The following NLRP2 variants were observed in gnomAD, a reference collection of about 807,000 sequenced individuals.
The protein encoded by NLRP2 is NACHT, LRR and PYD domains-containing protein 2.
In NLRP2, 107 loss-of-function variants were observed where a neutral mutation model predicts 97.2. The ratio of observed to expected loss-of-function variants is 1.10; its 90% CI spans 0.94 to 1.29. NLRP2 has a LOEUF of 1.29. Among genes scored for constraint, NLRP2 ranks in the 50% most tolerant of loss-of-function variants. The pLI, the probability that NLRP2 is intolerant of heterozygous loss-of-function variation, is 0.00. For missense variants in NLRP2, 1,495 were observed against 1,330.3 expected (o/e 1.12, Z -1.93); for synonymous variants, 663 against 551.5 (o/e 1.20, Z -2.83).
rs561540082 is a variant in NLRP2 at position 54,991,218 on chromosome 19, C to T, written c.2708+546C>T. ...GACTCCCAATGGAAGCTATTGGAAG[C>T]TACATGCTCAATGTGATCCTCCTTT... is the stretch of plus-strand genomic sequence containing the variant. On this transcript the variant is annotated intron_variant, in intron 10 of 12. Transcript: ENST00000448584. 4.1e-4 allele frequency: 68 copies of T among 167,822 alleles called. 1 individual carries two copies. Among genetic ancestry groups the T allele is most frequent in the African/African-American group, 1.6e-3 (66 of 41,714 alleles). 10.4% of individuals were successfully genotyped at this position (167,822 alleles called of 1,614,324 possible).
chr19:54,999,153 C>A (rs959438783), intron 12 of NLRP2, among the ~76,000 whole-genome samples: 7 of 152,032 alleles, frequency 4.6e-5, no homozygotes, highest in Non-Finnish European at 1.0e-4. Context: ...CTGACCCCCC[C>A]ACCTCCCCGC....
chr19:54,999,875 T>G lies in NLRP2; in HGVS notation c.3051-885T>G, dbSNP rs112301104. Among the ~76,000 whole-genome samples the G allele has an allele frequency of 8.6e-3, 1,313 of 152,026 alleles. 14 individuals carry two copies. Among genetic ancestry groups the G allele is most frequent in the African/African-American group, 0.03 (1,262 of 41,434 alleles). ...TGTCAGCTTCCTGAGTAGCTGGGAT[T>G]ATAGGGATGCACCATCACACCCAAC... On this transcript the variant is annotated intron_variant, in intron 12 of 12. Coordinates refer to ENST00000448584, the MANE Select transcript of NLRP2 (RefSeq NM_017852.5).
Position 54,977,778 on chromosome 19 carries a change from C to G in NLRP2, c.352C>G (p.Leu118Val), listed in dbSNP as rs761533100. Reference protein sequence around the residue: ...LGITRKERPPLDVDEMLERFK... With the variant: ...LGITRKERPPVDVDEMLERFK... ...GATAACACGGAAAGAACGACCACCT[C>G]TAGACGTGGACGAAATGCTGGAGCG... The change falls in exon 4 of 13, where the codon CTA (leucine) becomes GTA (valine). Residue 118 changes from leucine to valine, a missense_variant. Coordinates refer to ENST00000448584, the MANE Select transcript of NLRP2 (RefSeq NM_017852.5). 6.2e-7 allele frequency: 1 copy of G among 1,613,914 alleles called. No homozygotes were observed. Among genetic ancestry groups the G allele is most frequent in the South Asian group, 1.1e-5 (1 of 91,084 alleles).
intron 12 of NLRP2, among the ~76,000 whole-genome samples, chr19:54,998,756 T>C (rs922836677): frequency 4.0e-5 from 6 of 148,866 alleles, no homozygotes; most frequent in South Asian, 4.3e-4. Flanking sequence ...AGGTCTCTGG[T>C]TTTCCTAGGC....
chr19:54,987,393 C>G (rs1422661215), intron 8 of NLRP2, among the ~76,000 whole-genome samples: 5 of 152,154 alleles, frequency 3.3e-5, no homozygotes, highest in Non-Finnish European at 7.3e-5. Context: ...CGATGAGAAC[C>G]TACATGCATC....
At chr19:54,976,644 G>T (rs1271976881) in intron 3 of NLRP2, among the ~76,000 whole-genome samples, 7 of 151,912 alleles carry the variant, frequency 4.6e-5, no homozygotes, top group African/African-American at 1.7e-4. Context: ...ACCTCACCTG[G>T]TGGTGAAGAC....
At chr19:54,967,351 G>A (rs770613153) in intron 1 of NLRP2, among the ~76,000 whole-genome samples, 11 of 152,034 alleles carry the variant, frequency 7.2e-5, no homozygotes, top group Non-Finnish European at 1.0e-4. Flanking sequence ...GCGTGGTAGC[G>A]CATACTTGTA....
At chr19:54,974,625 G>T in intron 3 of NLRP2, 81 bp downstream of exon 3, 1 of 1,018,978 alleles carries the variant, frequency 9.8e-7, no homozygotes, top group South Asian at 1.3e-5. Flanking sequence ...AATGTGCTGA[G>T]CACTAAGAAT....
At chr19:54,974,477 T>A (rs1293107781) in intron 2 of NLRP2, 23 bp from the exon 3 acceptor site, 6 of 1,606,034 alleles carry the variant, frequency 3.7e-6, no homozygotes, top group African/African-American at 2.7e-5. Context: ...AATGCAAAAT[T>A]TTCCCCCCTT....
chr19:54,973,093 A>C (rs1157572930), intron 2 of NLRP2, among the ~76,000 whole-genome samples: 1 of 151,840 alleles, frequency 6.6e-6, no homozygotes, highest in Non-Finnish European at 1.5e-5. Flanking sequence ...TGGGAGGCTG[A>C]GGCAGGAGGA....
intron 8 of NLRP2, among the ~76,000 whole-genome samples, chr19:54,987,159 GCCT>G (rs903402700): frequency 7.5e-6 from 1 of 133,674 alleles, no homozygotes; most frequent in African/African-American, 2.8e-5. Context: ...CCCGCCGTCG[GCCT>G]CCCAAAGTGA....
chr19:54,989,834 A>G (rs1217717313), intron 8 of NLRP2, 188 bp from the exon 9 acceptor site: 1 of 637,002 alleles, frequency 1.6e-6, no homozygotes, highest in African/African-American at 1.8e-5. Context: ...AAAATACAAA[A>G]TTAGCTGGGC....
At chr19:54,975,891 C>G (rs1056417592) in intron 3 of NLRP2, among the ~76,000 whole-genome samples, 9 of 151,704 alleles carry the variant, frequency 5.9e-5, no homozygotes, top group Non-Finnish European at 1.2e-4. Flanking sequence ...GCTGGGACTA[C>G]AGGTGTGCAC....
chr19:54,981,509 G>GCCCCCACCCCCCCC lies in NLRP2; in HGVS notation c.398-103_398-102insACCCCCCCCCCCCC. 3 of 386,504 alleles carry GCCCCCACCCCCCCC rather than the reference G, an allele frequency of 7.8e-6. 1 individual carries two copies. Among genetic ancestry groups the GCCCCCACCCCCCCC allele is most frequent in the Non-Finnish European group, 1.6e-5 (3 of 188,732 alleles). The allele number at this position is 386,504 out of a possible 1,614,324, so 23.9% of individuals were successfully genotyped here. A position where few individuals can be genotyped will look rare whatever the true frequency, so the allele number is the denominator to read the frequency against. ...GCTTATTTGCTTTATCTGATCCCGT[G>GCCCCCACCCCCCCC]CCCCCCCTCCCCCCCGCCCCATCAG... On this transcript the variant is annotated intron_variant, in intron 4 of 12. Coordinates refer to ENST00000448584, the MANE Select transcript of NLRP2 (RefSeq NM_017852.5).
In NLRP2 at chr19:55,000,974, T is replaced by G; in HGVS notation, c.*76T>G. ...GGTGAACTGCCTGTGACTCCTCTCC[T>G]CCCCGGCCCCTACCCCTCAGGGATA... On this transcript the variant is annotated 3_prime_UTR_variant, in exon 13 of 13. Coordinates refer to ENST00000448584, the MANE Select transcript of NLRP2 (RefSeq NM_017852.5). 1 of 1,363,746 alleles carries G rather than the reference T, an allele frequency of 7.3e-7. No homozygotes were observed. The highest frequency in any genetic ancestry group is 1.0e-6 in the Non-Finnish European group (1 of 956,560). 84.5% of individuals were successfully genotyped at this position (1,363,746 alleles called of 1,614,324 possible). A position where few individuals can be genotyped will look rare whatever the true frequency, so the allele number is the denominator to read the frequency against.
rs751527682 is a variant in NLRP2 at position 54,990,682 on chromosome 19, T to A, written c.2708+10T>A. ...AACTGCAGACCTTGGTGTAAGTCCGTGCTGGCTGCCTGTGTGCGTGGGTGT... is the reference window on the plus strand; with the variant it reads ...AACTGCAGACCTTGGTGTAAGTCCGAGCTGGCTGCCTGTGTGCGTGGGTGT... On this transcript the variant is annotated intron_variant, in intron 10 of 12. Coordinates refer to ENST00000448584, the MANE Select transcript of NLRP2 (RefSeq NM_017852.5). The A allele has an allele frequency of 4.3e-6, 7 of 1,614,118 alleles. No individual in the cohort carries two copies. The highest frequency in any genetic ancestry group is 5.9e-6 in the Non-Finnish European group (7 of 1,180,012).
intron 10 of NLRP2, chr19:54,993,408 A>T (rs1284639384): frequency 6.6e-6 from 1 of 152,054 alleles, no homozygotes; most frequent in Non-Finnish European, 1.5e-5. Context: ...TCAAATTATA[A>T]TTAAGTTTAG....
intron 1 of NLRP2, among the ~76,000 whole-genome samples, chr19:54,968,701 CTT>C (rs61212213): frequency 0.02 from 2,289 of 114,290 alleles, 114 homozygotes; most frequent in East Asian, 0.055. Flanking sequence ...ATCTTTAAGC[CTT>C]TTTTTTTTTT....
chr19:54,983,815 G>A, intron 6 of NLRP2, 87 bp downstream of exon 6: 4 of 1,530,562 alleles, frequency 2.6e-6, no homozygotes, highest in Non-Finnish European at 2.7e-6. Context: ...CCTATGCACT[G>A]TGGCTTAGGG....
Sources: allele counts gnomAD v4.1 joint callset (sites outside exome capture counted in the v4.1 genomes callset), GRCh38; gene constraint gnomAD v4.1.1; transcripts MANE v1.5; gene names NCBI Gene and HGNC (gene_info 2026-07-23, HGNC 2026-07-21).